NRDE2: variants seen among roughly 807,000 people sequenced by gnomAD.
NRDE2 encodes nuclear exosome regulator NRDE2.
Under a neutral mutation model 124.2 loss-of-function variants are expected in NRDE2, and 76 were observed. That is an observed-to-expected ratio of 0.61 (90% confidence interval 0.51 to 0.74). The LOEUF (loss-of-function observed/expected upper bound fraction) is 0.74, where lower values mean the gene tolerates loss of function less well. Ranked by LOEUF, NRDE2 falls within the 30% of genes least tolerant of loss-of-function variation. The pLI is 0.00. For missense variants in NRDE2, 1,314 were observed against 1,417.3 expected (o/e 0.93, Z 1.17); for synonymous variants, 489 against 528.1 (o/e 0.93, Z 1.01).
intron 4 of NRDE2, 146 bp downstream of exon 4, chr14:90,312,248 G>A: frequency 1.5e-6 from 1 of 677,434 alleles, no homozygotes; most frequent in South Asian, 2.1e-5. Context: ...AATAGGAGAT[G>A]AGACATGTGC....
chr14:90,299,447 T>A (rs1884308099), intron 7 of NRDE2, among the ~76,000 whole-genome samples: 1 of 152,110 alleles, frequency 6.6e-6, no homozygotes, highest in Admixed American at 6.5e-5. Context: ...AATCTTTCCC[T>A]ATGGAACAGA....
At chr14:90,280,971 T>C (rs1891936539) in intron 12 of NRDE2, 1 of 152,248 alleles carries the variant, frequency 6.6e-6, no homozygotes, top group South Asian at 2.1e-4. Context: ...AAACAGCTAA[T>C]GGAGGAGCAG....
At position 90,316,696 on chromosome 14, in the gene NRDE2, T is replaced by C; in HGVS notation, c.289A>G (p.Lys97Glu). The C allele has an allele frequency of 6.2e-7, 1 of 1,614,190 alleles. No individual in the cohort carries two copies. Among genetic ancestry groups the C allele is most frequent in the Non-Finnish European group, 8.5e-7 (1 of 1,180,030 alleles). The change falls in exon 3 of 14, where the codon AAA (lysine) becomes GAA (glutamate). Residue 97 changes from lysine (K) to glutamate (E), a missense_variant. Lys to Glu is a moderately conservative substitution (Grantham distance 56). Coordinates refer to ENST00000354366, the MANE Select transcript of NRDE2 (RefSeq NM_017970.4). ...KKKRKHQHHK[K>E]TKRKHGPSSS... is the part of the protein sequence containing the mutation. ...GACGGCCCATGCTTCCTCTTTGTTT[T>C]CTTATGATGCTGATGCTTCCTTTTT...
chr14:90,272,086 G>T lies in NRDE2; in HGVS notation c.*6250C>A. On this transcript the variant is annotated 3_prime_UTR_variant, in exon 14 of 14. Coordinates refer to ENST00000354366, the MANE Select transcript of NRDE2 (RefSeq NM_017970.4). This position sits in a 1 kb window ranked among gnomAD's most constrained non-coding sequence, Gnocchi z 4.5. Reference sequence around the variant, plus strand: ...TTTTTGTATTTTTAGTAGAGATGGGGTTTCACCGTGTTGGCCAGGCTGGTC... The same window carrying T: ...TTTTTGTATTTTTAGTAGAGATGGGTTTTCACCGTGTTGGCCAGGCTGGTC... 1 of 452,392 alleles carries T rather than the reference G, an allele frequency of 2.2e-6. No individual in the cohort carries two copies. The allele number at this position is 452,392 out of a possible 1,614,324, so 28.0% of individuals were successfully genotyped here.
At chr14:90,322,575 C>T (rs1225424466) in intron 1 of NRDE2, among the ~76,000 whole-genome samples, 1 of 152,144 alleles carries the variant, frequency 6.6e-6, no homozygotes, top group Non-Finnish European at 1.5e-5. Context: ...TAAAGTACAA[C>T]TAGTGTAATT....
chr14:90,301,392 G>A lies in NRDE2; in HGVS notation c.1412-20C>T. On this transcript the variant is annotated intron_variant, in intron 6 of 13. Transcript: ENST00000354366. ...AGAGTGCTGCGAACAGGAGGGCAAA[G>A]GGGAAGAAGCCTGGTTGATACCGTT... 8.1e-6 allele frequency: 13 copies of A among 1,613,008 alleles called. No homozygotes were observed. Among genetic ancestry groups the A allele is most frequent in the Non-Finnish European group, 1.1e-5 (13 of 1,179,486 alleles).
chr14:90,301,792 G>A (rs1159829292), intron 6 of NRDE2: 1 of 456,158 alleles, frequency 2.2e-6, no homozygotes, highest in South Asian at 1.5e-5. Flanking sequence ...TTCATCCTAT[G>A]TTCAGAGTCG....
chr14:90,303,209 A>C, intron 5 of NRDE2, 84 bp from the exon 6 acceptor site: 2 of 1,293,800 alleles, frequency 1.5e-6, no homozygotes, highest in East Asian at 2.5e-5. Flanking sequence ...TTTTCTTACC[A>C]CCCCCTAGGG....
chr14:90,307,088 A>G (rs1033693323), intron 4 of NRDE2, among the ~76,000 whole-genome samples: 1 of 152,212 alleles, frequency 6.6e-6, no homozygotes, highest in East Asian at 1.9e-4. Context: ...CTATATTACT[A>G]TCTACTTTCA....
At chr14:90,285,740 C>T (rs1190473314) in intron 12 of NRDE2, among the ~76,000 whole-genome samples, 1 of 152,058 alleles carries the variant, frequency 6.6e-6, no homozygotes, top group Non-Finnish European at 1.5e-5. Flanking sequence ...TCAAAGAATC[C>T]TCCTGCCTCA....
chr14:90,290,419 C>A lies in NRDE2; in HGVS notation c.2031G>T (p.Leu677Phe). The change falls in exon 10 of 14, where the codon TTG becomes TTT. Residue 677 changes from leucine to phenylalanine, a missense_variant. Coordinates refer to ENST00000354366, the MANE Select transcript of NRDE2 (RefSeq NM_017970.4). The part of the protein sequence containing the change: ...FDNGLYDEKP[L>F]TFFNPLFSGA... The stretch of plus-strand genomic sequence containing the variant: ...CAGAAAACAAAGGGTTGAAAAAAGT[C>A]AAGGGCTTTTCATCATAAAGTCCAT... 3.1e-6 allele frequency: 5 copies of A among 1,614,070 alleles called. No homozygotes were observed. The highest frequency in any genetic ancestry group is 4.2e-6 in the Non-Finnish European group (5 of 1,180,024).
chr14:90,276,927 G>A lies in NRDE2; in HGVS notation c.*1409C>T, dbSNP rs1355503240. On this transcript the variant is annotated 3_prime_UTR_variant, in exon 14 of 14. Transcript: ENST00000354366. ...TGTCTGCCCCACGCAGAGGACAAGGGTGGAGAAGGTCCCTCTTTGTGGGCA... is the reference window on the plus strand; with the variant it reads ...TGTCTGCCCCACGCAGAGGACAAGGATGGAGAAGGTCCCTCTTTGTGGGCA... 1 of 152,326 alleles carries A rather than the reference G, an allele frequency of 6.6e-6. No homozygotes were observed. Among genetic ancestry groups the A allele is most frequent in the Non-Finnish European group, 1.5e-5 (1 of 68,134 alleles). The allele number at this position is 152,326 out of a possible 1,614,324, so 9.4% of individuals were successfully genotyped here.
chr14:90,325,517 C>T (rs754719141), intron 1 of NRDE2, among the ~76,000 whole-genome samples: 3 of 152,060 alleles, frequency 2.0e-5, no homozygotes, highest in Non-Finnish European at 4.4e-5. Flanking sequence ...CTACTTAAAT[C>T]CTGGCCTCTT....
rs984971730 is a variant in NRDE2, at chr14:90,275,158, G to GAAGT, written c.*3174_*3177dup. 1 of 152,110 alleles carries GAAGT rather than the reference G, an allele frequency of 6.6e-6. No homozygotes were observed. The highest frequency in any genetic ancestry group is 2.4e-5 in the African/African-American group (1 of 41,394). The allele number at this position is 152,110 out of a possible 1,614,324, so 9.4% of individuals were successfully genotyped here. On this transcript the variant is annotated 3_prime_UTR_variant, in exon 14 of 14. Transcript: ENST00000354366. ...ACACTTCAAAAGTATCCACGTCTTG[G>GAAGT]AAGTCAAAAAGCTTCCAATCAGAAG...
Position 90,321,247 on chromosome 14 carries a change from T to C in NRDE2, c.65-3134A>G, listed in dbSNP as rs547502789. 2.6e-4 allele frequency among the ~76,000 whole-genome samples: 39 copies of C among 152,064 alleles called. No homozygotes were observed. The South Asian group carries it at 7.9e-3, about 31-fold the overall frequency. On this transcript the variant is annotated intron_variant, in intron 1 of 13. Coordinates refer to ENST00000354366, the MANE Select transcript of NRDE2 (RefSeq NM_017970.4). ...AAGACACAAGAAAGGCTTTTTAAAT[T>C]TGAGAGATGGGGTCTTGCTGTGTTG...
chr14:90,328,314 A>AG (rs1265425831), intron 1 of NRDE2, among the ~76,000 whole-genome samples: 5 of 144,188 alleles, frequency 3.5e-5, no homozygotes, highest in Non-Finnish European at 6.2e-5. Context: ...CAAAAAAAAA[A>AG]AAAAAAAAAG....
intron 4 of NRDE2, among the ~76,000 whole-genome samples, chr14:90,308,683 A>G (rs570992068): frequency 3.9e-5 from 6 of 152,200 alleles, no homozygotes; most frequent in Non-Finnish European, 8.8e-5. Flanking sequence ...GTGAAAATTC[A>G]GTACCTGACA....
At chr14:90,316,524 G>T in intron 3 of NRDE2, 54 bp downstream of exon 3, 1 of 1,273,938 alleles carries the variant, frequency 7.8e-7, no homozygotes, top group Non-Finnish European at 1.1e-6. Context: ...CAACAATTAA[G>T]GGAGAAAAAC....
At chr14:90,286,280 C>A in intron 12 of NRDE2, 74 bp downstream of exon 12, 1 of 1,523,918 alleles carries the variant, frequency 6.6e-7, no homozygotes, top group African/African-American at 1.4e-5. Flanking sequence ...CTTCTCATTT[C>A]ATAAATACCT....
Sources: gnomAD v4.1 joint callset for allele counts (sites outside exome capture counted in the v4.1 genomes callset) on GRCh38, gnomAD v4.1.1 for gene constraint, Gnocchi (gnomAD v3.1) non-coding constraint, MANE v1.5 for transcripts, NCBI Gene and HGNC (gene_info 2026-07-23, HGNC 2026-07-21) for gene names.